Variants in ULK4 observed in about 807,000 individuals in gnomAD.
ULK4 encodes the protein unc-51 like kinase 4.
In ULK4, 133 loss-of-function variants were observed where a neutral mutation model predicts 160.6. That is an observed-to-expected ratio of 0.83 (90% CI 0.72 to 0.96). ULK4 has a LOEUF of 0.96. Ranked by LOEUF, ULK4 falls within the 40% of genes least tolerant of loss-of-function variation. The pLI is 0.00. For missense variants in ULK4, 1,580 were observed against 1,499.5 expected (o/e 1.05, Z -0.89); for synonymous variants, 534 against 539.8 (o/e 0.99, Z 0.15).
intron 35 of ULK4, among the ~76,000 whole-genome samples, chr3:41,389,174 T>G (rs2081894097): frequency 6.6e-6 from 1 of 152,022 alleles, no homozygotes; most frequent in Non-Finnish European, 1.5e-5. Context: ...TGGCTCTCTG[T>G]CTGTTATTGG....
intron 21 of ULK4, among the ~76,000 whole-genome samples, chr3:41,771,724 G>C (rs1259743787): frequency 1.3e-5 from 2 of 152,022 alleles, no homozygotes; most frequent in Admixed American, 6.6e-5. Flanking sequence ...CTTCCCCAGA[G>C]ATCCTCGAAA....
intron 30 of ULK4, among the ~76,000 whole-genome samples, chr3:41,656,221 G>C (rs1450578611): frequency 6.6e-6 from 1 of 152,038 alleles, no homozygotes; most frequent in Non-Finnish European, 1.5e-5. Context: ...AAAGGGAAGG[G>C]GCGGGGGGAA....
chr3:41,482,054 T>C (rs1365539705), intron 32 of ULK4, among the ~76,000 whole-genome samples: 2 of 152,168 alleles, frequency 1.3e-5, no homozygotes, highest in African/African-American at 2.4e-5. Context: ...ACTTCGCCTA[T>C]GAAGTAGCTA....
chr3:41,910,684 A>G (rs1232010026), intron 11 of ULK4, among the ~76,000 whole-genome samples: 1 of 152,216 alleles, frequency 6.6e-6, no homozygotes, highest in Non-Finnish European at 1.5e-5. Flanking sequence ...TTATCCAAAT[A>G]AAGAAGCTTT....
At chr3:41,678,099 C>T (rs570798940) in intron 29 of ULK4, among the ~76,000 whole-genome samples, 15 of 151,514 alleles carry the variant, frequency 9.9e-5, no homozygotes, top group Non-Finnish European at 1.8e-4. Context: ...GGGTCTCCAG[C>T]TTGTCAACTG....
At chr3:41,393,731 T>C (rs932058443) in intron 35 of ULK4, among the ~76,000 whole-genome samples, 9 of 152,154 alleles carry the variant, frequency 5.9e-5, no homozygotes, top group African/African-American at 2.2e-4. Context: ...CTATTACTTG[T>C]TTTTCTATGA....
chr3:41,386,287 C>G (rs955643745), intron 35 of ULK4, among the ~76,000 whole-genome samples: 1 of 152,076 alleles, frequency 6.6e-6, no homozygotes, highest in Non-Finnish European at 1.5e-5. Flanking sequence ...TTCACATTCA[C>G]CCACCCTAAT....
intron 30 of ULK4, among the ~76,000 whole-genome samples, chr3:41,654,679 G>C (rs1323676736): frequency 6.6e-6 from 1 of 152,170 alleles, no homozygotes; most frequent in Non-Finnish European, 1.5e-5. Context: ...AATATTTTAT[G>C]CTTGCGTTAT....
intron 29 of ULK4, among the ~76,000 whole-genome samples, chr3:41,676,211 T>C (rs1477982507): frequency 1.3e-5 from 2 of 152,244 alleles, no homozygotes; most frequent in African/African-American, 4.8e-5. Context: ...TACAGTTTAA[T>C]TGTCTTGTAT....
chr3:41,276,920 A>G (rs2125690794), intron 35 of ULK4, among the ~76,000 whole-genome samples: 1 of 152,352 alleles, frequency 6.6e-6, no homozygotes, highest in Admixed American at 6.5e-5. Flanking sequence ...TCACTAAGAA[A>G]CAAAACAGGA....
intron 32 of ULK4, among the ~76,000 whole-genome samples, chr3:41,465,387 A>G (rs1006981477): frequency 2.6e-5 from 4 of 152,210 alleles, no homozygotes; most frequent in African/African-American, 4.8e-5. Flanking sequence ...CTTCTGTATA[A>G]CAGATAAAGA....
At chr3:41,548,308 G>A (rs1280749958) in intron 32 of ULK4, among the ~76,000 whole-genome samples, 1 of 151,986 alleles carries the variant, frequency 6.6e-6, no homozygotes, top group African/African-American at 2.4e-5. Flanking sequence ...CACATCAGGA[G>A]GCCTGACACA....
chr3:41,727,797 A>G (rs1409148618), intron 22 of ULK4, among the ~76,000 whole-genome samples: 1 of 152,242 alleles, frequency 6.6e-6, no homozygotes, highest in African/African-American at 2.4e-5. Flanking sequence ...GTAAAAAGGA[A>G]GACCAGCTGA....
intron 36 of ULK4, among the ~76,000 whole-genome samples, chr3:41,247,952 C>T (rs115093460): frequency 2.0e-3 from 298 of 152,312 alleles, no homozygotes; most frequent in African/African-American, 6.7e-3. Flanking sequence ...GCAACTTCCC[C>T]GCCCAACACA....
intron 31 of ULK4, among the ~76,000 whole-genome samples, chr3:41,571,681 A>G (rs2087978449): frequency 6.6e-6 from 1 of 152,204 alleles, no homozygotes; most frequent in Admixed American, 6.5e-5. Context: ...GATGATTCTG[A>G]CTAAAGACTA....
chr3:41,615,819 A>T, intron 30 of ULK4, 102 bp from the exon 31 acceptor site: 4 of 1,001,574 alleles, frequency 4.0e-6, no homozygotes, highest in Non-Finnish European at 5.9e-6. Context: ...TATTGCTAAA[A>T]TTCCATGATA....
chr3:41,650,909 A>T (rs1347122233), intron 30 of ULK4, among the ~76,000 whole-genome samples: 2 of 152,206 alleles, frequency 1.3e-5, no homozygotes, highest in East Asian at 1.9e-4. Flanking sequence ...TAACATAGAG[A>T]CAACACTAAA....
At chr3:41,888,042 A>G (rs1697790624) in intron 16 of ULK4, among the ~76,000 whole-genome samples, 1 of 152,054 alleles carries the variant, frequency 6.6e-6, no homozygotes, top group South Asian at 2.1e-4. Context: ...CAGGCATGGT[A>G]ACATGCACCT....
chr3:41,920,910 C>G (rs1447779675), intron 5 of ULK4, among the ~76,000 whole-genome samples: 1 of 152,212 alleles, frequency 6.6e-6, no homozygotes, highest in African/African-American at 2.4e-5. Flanking sequence ...CCATGGAACA[C>G]CCTTGCACTC....
Sources: gnomAD v4.1 joint callset for allele counts (sites outside exome capture counted in the v4.1 genomes callset) on GRCh38, gnomAD v4.1.1 for gene constraint, MANE v1.5 for transcripts, NCBI Gene and HGNC (gene_info 2026-07-23, HGNC 2026-07-21) for gene names.